SGSM1: variants seen among roughly 807,000 people sequenced by gnomAD.
The protein encoded by SGSM1 is small G protein signaling modulator 1.
SGSM1 carries 73 observed loss-of-function variants against 133.8 expected under a neutral mutation model. The ratio of observed to expected loss-of-function variants is 0.55; its 90% CI spans 0.45 to 0.66. The LOEUF (loss-of-function observed/expected upper bound fraction) is 0.66, where lower values mean the gene tolerates loss of function less well. SGSM1 is among the 30% of genes least tolerant of loss of function. The pLI, the probability that SGSM1 is intolerant of heterozygous loss-of-function variation, is 0.00. For synonymous variants in SGSM1, 563 were observed against 573.0 expected (o/e 0.98, Z 0.25); for missense variants, 1,213 against 1,448.1 (o/e 0.84, Z 2.64).
chr22:24,841,067 G>A lies in SGSM1; in HGVS notation c.64-3830G>A, dbSNP rs529233641. Among the ~76,000 whole-genome samples the A allele has an allele frequency of 1.7e-3, 251 of 151,882 alleles. 2 individuals carry two copies. Among genetic ancestry groups the A allele is most frequent in the Admixed American group, 0.012 (182 of 15,282 alleles). On this transcript the variant is annotated intron_variant, in intron 2 of 24. Coordinates refer to ENST00000400358, the MANE Select transcript of SGSM1 (RefSeq NM_001098497.3). ...GGGTTTCACCGTGTTAGCCAAGATG[G>A]TCTCGATCTCCTGACCTTGTGATCC...
chr22:24,849,741 G>A (rs1226051443), intron 4 of SGSM1, among the ~76,000 whole-genome samples: 2 of 152,206 alleles, frequency 1.3e-5, no homozygotes, highest in Middle Eastern at 3.2e-3. Flanking sequence ...AGAGTGAGAG[G>A]GATCAGCCTG....
chr22:24,889,052 C>A (rs139725), intron 16 of SGSM1, among the ~76,000 whole-genome samples: 1 of 149,914 alleles, frequency 6.7e-6, no homozygotes, highest in Non-Finnish European at 1.5e-5. Flanking sequence ...ACCTCCACCT[C>A]CCAGGTTCAA....
Position 24,850,376 on chromosome 22 carries a change from A to G in SGSM1, c.399A>G (p.Thr133=). The change falls in exon 5 of 25, where the codon ACA becomes ACG. Residue 133 remains threonine (T), a synonymous_variant. Transcript: ENST00000400358. ...PLAIKHLWIR[T]ALFEKVLDKI... ...CCATCAAGCATCTGTGGATTCGCACAGCCTTGTTTGAGAAGGTCCTGGACA... is the reference window on the plus strand; with the variant it reads ...CCATCAAGCATCTGTGGATTCGCACGGCCTTGTTTGAGAAGGTCCTGGACA... 1 of 1,614,030 alleles carries G rather than the reference A, an allele frequency of 6.2e-7. No homozygotes were observed. Among genetic ancestry groups the G allele is most frequent in the Non-Finnish European group, 8.5e-7 (1 of 1,179,888 alleles).
intron 20 of SGSM1, among the ~76,000 whole-genome samples, chr22:24,903,062 A>G (rs1009746716): frequency 6.6e-6 from 1 of 152,150 alleles, no homozygotes; most frequent in Non-Finnish European, 1.5e-5. Flanking sequence ...AAAAATCTAA[A>G]TCAAAGAAAT....
At chr22:24,828,843 G>A (rs7292632) in intron 2 of SGSM1, among the ~76,000 whole-genome samples, 1 of 152,244 alleles carries the variant, frequency 6.6e-6, no homozygotes, top group African/African-American at 2.4e-5. Flanking sequence ...ATCAGTGGTA[G>A]ACTGGATAAA....
chr22:24,864,722 G>A (rs972511509), intron 9 of SGSM1, among the ~76,000 whole-genome samples: 25 of 152,332 alleles, frequency 1.6e-4, no homozygotes, highest in Non-Finnish European at 3.2e-4. Context: ...TCTTTTGGGG[G>A]TGGTAAAAAT....
At chr22:24,912,921 A>G (rs762904513) in intron 22 of SGSM1, among the ~76,000 whole-genome samples, 169 bp downstream of exon 22, 30 of 152,124 alleles carry the variant, frequency 2.0e-4, no homozygotes, top group South Asian at 8.3e-4. Context: ...CAGTTTTCTT[A>G]TCTGGGAAAT....
chr22:24,868,774 T>A lies in SGSM1; in HGVS notation c.1210T>A (p.Ser404Thr). The A allele has an allele frequency of 6.2e-7, 1 of 1,613,988 alleles. No homozygotes were observed. The highest frequency in any genetic ancestry group is 8.5e-7 in the Non-Finnish European group (1 of 1,179,884). ...RKRSPQGSAESTSSDKDDDEA... is the reference protein window; with the variant it reads ...RKRSPQGSAETTSSDKDDDEA... ...GCGAAGCCCTCAGGGTTCTGCCGAG[T>A]CCACATCTTCAGACAAAGATGATGA... The change falls in exon 12 of 25, where the codon TCC (serine) becomes ACC (threonine). Residue 404 changes from serine to threonine, a missense_variant. By Grantham distance (58) the Ser-to-Thr change is moderately conservative. Transcript: ENST00000400358.
At chr22:24,867,746 C>T (rs1931535469) in intron 10 of SGSM1, among the ~76,000 whole-genome samples, 1 of 152,172 alleles carries the variant, frequency 6.6e-6, no homozygotes, top group Admixed American at 6.5e-5. Context: ...ATGGTCCGTG[C>T]CTCACCAAGG....
intron 24 of SGSM1, among the ~76,000 whole-genome samples, chr22:24,921,982 T>A (rs1178957106): frequency 6.6e-6 from 1 of 152,102 alleles, no homozygotes; most frequent in Non-Finnish European, 1.5e-5. Context: ...ATTACAGGTG[T>A]GAACCACCGT....
At chr22:24,823,461 C>G (rs768567948) in intron 2 of SGSM1, among the ~76,000 whole-genome samples, 2 of 151,834 alleles carry the variant, frequency 1.3e-5, no homozygotes, top group African/African-American at 4.8e-5. Flanking sequence ...ATTAGCTGGG[C>G]GTGTTGGCAG....
rs1366069250 is a variant in SGSM1, at chr22:24,845,951, T to TTCTTTCTC, written c.139+986_139+987insCTCTTTCT. 5.2e-3 allele frequency among the ~76,000 whole-genome samples: 421 copies of TTCTTTCTC among 81,122 alleles called. 13 individuals are homozygous for TTCTTTCTC. Among genetic ancestry groups the TTCTTTCTC allele is most frequent in the African/African-American group, 0.016 (398 of 24,386 alleles). The allele number at this position is 81,122 out of a possible 152,430, so 53.2% of individuals were successfully genotyped here. Reference sequence around the variant, plus strand: ...CTTTCTTTTCTTTTCTTTTCTTTCTTTCTTTCTTTCTTTCTTTCTTTCTTT... The same window carrying TTCTTTCTC: ...CTTTCTTTTCTTTTCTTTTCTTTCTTTCTTTCTCTCTTTCTTTCTTTCTTTCTTTCTTT... On this transcript the variant is annotated intron_variant, in intron 3 of 24. Coordinates refer to ENST00000400358, the MANE Select transcript of SGSM1 (RefSeq NM_001098497.3).
chr22:24,837,246 G>A (rs1480874374), intron 2 of SGSM1, among the ~76,000 whole-genome samples: 1 of 152,226 alleles, frequency 6.6e-6, no homozygotes, highest in African/African-American at 2.4e-5. Context: ...GTAAGGTCAC[G>A]TGGGTCACAT....
At chr22:24,874,349 CT>C (rs1931916278) in intron 12 of SGSM1, 16 of 1,498,622 alleles carry the variant, frequency 1.1e-5, no homozygotes, top group Non-Finnish European at 1.4e-5. Context: ...GCTCTTCCAG[CT>C]GTCTCAGTGT....
intron 22 of SGSM1, among the ~76,000 whole-genome samples, chr22:24,913,973 G>A (rs1362143456): frequency 6.6e-6 from 1 of 151,760 alleles, no homozygotes; most frequent in Non-Finnish European, 1.5e-5. Flanking sequence ...TGGCTAACAC[G>A]GTGAAACACT....
intron 16 of SGSM1, among the ~76,000 whole-genome samples, chr22:24,891,809 C>T (rs986274288): frequency 3.9e-5 from 6 of 152,012 alleles, no homozygotes; most frequent in East Asian, 1.9e-4. Context: ...GCTGGTTGTT[C>T]GTAAATTCTC....
chr22:24,892,761 AC>A (rs2123692733), intron 16 of SGSM1, among the ~76,000 whole-genome samples: 1 of 151,888 alleles, frequency 6.6e-6, no homozygotes, highest in South Asian at 2.1e-4. Flanking sequence ...CAGTCTTCTC[AC>A]TTTTGGCCGG....
intron 22 of SGSM1, among the ~76,000 whole-genome samples, chr22:24,914,724 T>C (rs1933761799): frequency 6.6e-6 from 1 of 152,172 alleles, no homozygotes; most frequent in African/African-American, 2.4e-5. Flanking sequence ...CAGCTCGTCT[T>C]TATACTCAGT....
chr22:24,867,538 A>G (rs1931527267), intron 10 of SGSM1, among the ~76,000 whole-genome samples: 1 of 152,172 alleles, frequency 6.6e-6, no homozygotes, highest in Non-Finnish European at 1.5e-5. Flanking sequence ...GGGTGACATC[A>G]TTTCCATTTT....
Sources: gnomAD v4.1 joint callset for allele counts (sites outside exome capture counted in the v4.1 genomes callset) on GRCh38, gnomAD v4.1.1 for gene constraint, MANE v1.5 for transcripts, NCBI Gene and HGNC (gene_info 2026-07-23, HGNC 2026-07-21) for gene names.